The following KCTD16 variants were observed in gnomAD, a reference collection of about 807,000 sequenced individuals.
KCTD16 encodes potassium channel tetramerization domain containing 16.
A neutral mutation model predicts 33.2 loss-of-function variants in KCTD16; 13 were observed. The ratio of observed to expected loss-of-function variants is 0.39; its 90% CI spans 0.25 to 0.62. The LOEUF (loss-of-function observed/expected upper bound fraction) is 0.62, where lower values mean the gene tolerates loss of function less well. Among genes scored for constraint, KCTD16 ranks in the 20% least tolerant of loss-of-function variants. KCTD16 has a pLI of 0.50. For synonymous variants in KCTD16, 197 were observed against 195.3 expected, an observed-to-expected ratio of 1.01 and a Z score of -0.07; for missense variants, 441 against 525.1, an observed-to-expected ratio of 0.84 and a Z score of 1.57.
At chr5:144,472,167 T>C (rs1663939558) in intron 3 of KCTD16, among the ~76,000 whole-genome samples, 1 of 152,206 alleles carries the variant, frequency 6.6e-6, no homozygotes, top group African/African-American at 2.4e-5. Flanking sequence ...TTTAAAACTG[T>C]ATAAAGGTAC....
At chr5:144,183,449 CA>C (rs1752666455) in intron 2 of KCTD16, among the ~76,000 whole-genome samples, 2 of 152,122 alleles carry the variant, frequency 1.3e-5, no homozygotes, top group African/African-American at 4.8e-5. Context: ...AATTTCACAT[CA>C]GTAAAATGTT....
At chr5:144,443,047 C>T (rs1160368692) in intron 3 of KCTD16, among the ~76,000 whole-genome samples, 1 of 152,084 alleles carries the variant, frequency 6.6e-6, no homozygotes, top group African/African-American at 2.4e-5. Flanking sequence ...AATAAGAGAG[C>T]TCAAGTTCTC....
intron 3 of KCTD16, 30 bp downstream of exon 3, chr5:144,207,576 A>G (rs772617633): frequency 2.1e-6 from 3 of 1,447,788 alleles, no homozygotes; most frequent in African/African-American, 1.4e-5. Context: ...TTAATTTTTT[A>G]TGTGTGTCAA....
chr5:144,474,137 G>GAAAAAAA lies in KCTD16; in HGVS notation c.*27_*33dup. The GAAAAAAA allele has an allele frequency of 2.9e-6, 4 of 1,360,664 alleles. No individual in the cohort carries two copies. Among genetic ancestry groups the GAAAAAAA allele is most frequent in the Non-Finnish European group, 3.0e-6 (3 of 1,011,822 alleles). The allele number at this position is 1,360,664 out of a possible 1,614,324, so 84.3% of individuals were successfully genotyped here. On this transcript the variant is annotated 3_prime_UTR_variant, in exon 4 of 4. Transcript: ENST00000512467. ...TAAGGGAGGGCTGGGGGCGGGAAAAGAAAAAAAAAAGTCATTTTGAAATTA... is the reference window on the plus strand; with the variant it reads ...TAAGGGAGGGCTGGGGGCGGGAAAAGAAAAAAAAAAAAAAAAAGTCATTTTGAAATTA...
chr5:144,297,848 G>A (rs959730806), intron 3 of KCTD16, among the ~76,000 whole-genome samples: 11 of 152,200 alleles, frequency 7.2e-5, no homozygotes, highest in Admixed American at 5.2e-4. Context: ...ACCCTCTTTT[G>A]GTCCCCTCCC....
chr5:144,459,289 C>G (rs1327418553), intron 3 of KCTD16, among the ~76,000 whole-genome samples: 1 of 152,184 alleles, frequency 6.6e-6, no homozygotes, highest in Non-Finnish European at 1.5e-5. Context: ...GCCTGAACAC[C>G]TGTAATGGCC....
chr5:144,348,538 C>G (rs932920838), intron 3 of KCTD16, among the ~76,000 whole-genome samples: 3 of 152,168 alleles, frequency 2.0e-5, no homozygotes, highest in Non-Finnish European at 4.4e-5. Context: ...GTTGAACTGC[C>G]TTTCAAGTTT....
Position 144,207,748 on chromosome 5 carries a change from T to C in KCTD16, c.832+202T>C, listed in dbSNP as rs114051940. 6.3e-4 allele frequency among the ~76,000 whole-genome samples: 96 copies of C among 152,326 alleles called. 1 individual carries two copies. The highest frequency in any genetic ancestry group is 2.3e-3 in the African/African-American group (94 of 41,582). On this transcript the variant is annotated intron_variant, in intron 3 of 3. Coordinates refer to ENST00000512467, the MANE Select transcript of KCTD16 (RefSeq NM_020768.4). ...TTTTATCCAATGAGGTCACAGAATA[T>C]TCAAAGGCCTCCAAAATAATAAAAT...
chr5:144,472,143 A>C (rs1384567180), intron 3 of KCTD16, among the ~76,000 whole-genome samples: 1 of 152,252 alleles, frequency 6.6e-6, no homozygotes, highest in African/African-American at 2.4e-5. Flanking sequence ...AGTGTAAATC[A>C]AAATGGGGTC....
intron 3 of KCTD16, among the ~76,000 whole-genome samples, chr5:144,415,722 A>G (rs1286299094): frequency 6.6e-6 from 1 of 152,212 alleles, no homozygotes. Flanking sequence ...AAGAGGATCA[A>G]ACTTGAAAAC....
rs187452170 is a variant in KCTD16 at position 144,257,010 on chromosome 5, T to G, written c.832+49464T>G. Among the ~76,000 whole-genome samples, 47 of 152,328 alleles carry G rather than the reference T, an allele frequency of 3.1e-4. 1 individual carries two copies. The highest frequency in any genetic ancestry group is 2.7e-3 in the Admixed American group (41 of 15,306). On this transcript the variant is annotated intron_variant, in intron 3 of 3. Coordinates refer to ENST00000512467, the MANE Select transcript of KCTD16 (RefSeq NM_020768.4). ...GGAAGGTAAATAATGTGGCAATATA[T>G]TTTTTCTTTTGCAAAGTAATATGTA...
chr5:144,248,034 T>G (rs887033056), intron 3 of KCTD16, among the ~76,000 whole-genome samples: 2 of 152,230 alleles, frequency 1.3e-5, no homozygotes, highest in Non-Finnish European at 2.9e-5. Flanking sequence ...TATGTAGCAC[T>G]GGGAATGTGG....
At chr5:144,367,806 C>A (rs911610060) in intron 3 of KCTD16, among the ~76,000 whole-genome samples, 1 of 148,894 alleles carries the variant, frequency 6.7e-6, no homozygotes, top group South Asian at 2.2e-4. Flanking sequence ...TGCTTCCCTC[C>A]TTCTCTCCCT....
At chr5:144,260,944 G>C (rs915174896) in intron 3 of KCTD16, among the ~76,000 whole-genome samples, 1 of 151,700 alleles carries the variant, frequency 6.6e-6, no homozygotes, top group Non-Finnish European at 1.5e-5. Flanking sequence ...CTATAGGCTG[G>C]CAGCTTTCTT....
chr5:144,387,138 A>ATT (rs377558036), intron 3 of KCTD16, among the ~76,000 whole-genome samples: 38,041 of 116,034 alleles, frequency 0.33, 6,965 homozygotes, highest in South Asian at 0.41. Context: ...GGCTAATTTA[A>ATT]TTTTTTTTTT....
At chr5:144,171,675 T>C (rs1013045617) in intron 1 of KCTD16, among the ~76,000 whole-genome samples, 2 of 152,010 alleles carry the variant, frequency 1.3e-5, no homozygotes, top group Non-Finnish European at 2.9e-5. Flanking sequence ...ATTAGCTGAA[T>C]TTGTCAACCA....
intron 3 of KCTD16, among the ~76,000 whole-genome samples, chr5:144,435,814 T>C (rs867980130): frequency 3.3e-5 from 5 of 150,942 alleles, no homozygotes; most frequent in East Asian, 1.9e-4. Flanking sequence ...TGTGTGTGTG[T>C]GCGCTTTCCT....
At chr5:144,312,878 A>G (rs1166702299) in intron 3 of KCTD16, among the ~76,000 whole-genome samples, 3 of 152,196 alleles carry the variant, frequency 2.0e-5, no homozygotes, top group African/African-American at 7.2e-5. Flanking sequence ...GGTGAAGAAA[A>G]CTTGTTTGAT....
At chr5:144,425,816 C>T (rs58963088) in intron 3 of KCTD16, among the ~76,000 whole-genome samples, 2,008 of 152,094 alleles carry the variant, frequency 0.013, 41 homozygotes, top group African/African-American at 0.045. Context: ...ACTATTCTGC[C>T]CTCCTAGAGC....
Sources: gnomAD v4.1 joint callset for allele counts (sites outside exome capture counted in the v4.1 genomes callset) on GRCh38, gnomAD v4.1.1 for gene constraint, MANE v1.5 for transcripts, NCBI Gene and HGNC (gene_info 2026-07-23, HGNC 2026-07-21) for gene names.